Variants in PHEX observed in about 807,000 individuals in gnomAD.
PHEX encodes phosphate-regulating neutral endopeptidase PHEX.
In PHEX, 16 loss-of-function variants were observed where a neutral mutation model predicts 68.0. The observed-to-expected ratio is 0.24, with a 90% CI of 0.16 to 0.36. The LOEUF (loss-of-function observed/expected upper bound fraction) is 0.36, where lower values mean the gene tolerates loss of function less well. PHEX is among the 10% of genes least tolerant of loss of function. The pLI is 1.00. For missense variants in PHEX, 480 were observed against 575.5 expected, an observed-to-expected ratio of 0.83 and a Z score of 1.70; for synonymous variants, 208 against 205.1, an observed-to-expected ratio of 1.01 and a Z score of -0.12.
intron 3 of PHEX, among the ~76,000 whole-genome samples, chrX:22,060,657 A>C (rs1206587403): frequency 8.9e-6 from 1 of 111,978 alleles, no homozygotes; most frequent in Non-Finnish European, 1.9e-5. Context: ...ACATTATGAA[A>C]AGTTTCCTGT....
intron 13 of PHEX, among the ~76,000 whole-genome samples, chrX:22,177,073 G>T (rs144080429): frequency 0.024 from 2,704 of 110,906 alleles, 85 homozygotes; most frequent in African/African-American, 0.085. Context: ...TTGGTCTCCT[G>T]GAAAGATTGT....
At chrX:22,044,933 A>G (rs112416212) in intron 2 of PHEX, among the ~76,000 whole-genome samples, 2,820 of 108,912 alleles carry the variant, frequency 0.026, 96 homozygotes, top group African/African-American at 0.088. Context: ...CCTAGGCTCA[A>G]GTGATCTGCC....
intron 11 of PHEX, among the ~76,000 whole-genome samples, chrX:22,115,101 G>A (rs1217073427): frequency 1.8e-5 from 2 of 111,670 alleles, no homozygotes; most frequent in Non-Finnish European, 3.8e-5. Context: ...GCTAAGCCGG[G>A]CAGATCACTT....
chrX:22,085,249 C>T (rs769170954), intron 5 of PHEX, among the ~76,000 whole-genome samples: 3 of 110,181 alleles, frequency 2.7e-5, no homozygotes, highest in Admixed American at 9.6e-5. Flanking sequence ...TTTTCATTGA[C>T]CCATTGGTCA....
In PHEX at chrX:22,248,911, A is replaced by AT. The variant is rs1936470764; in HGVS notation, c.*958_*959insT. 1 of 106,574 alleles carries AT rather than the reference A, an allele frequency of 9.4e-6. No homozygotes were observed. Among genetic ancestry groups the AT allele is most frequent in the South Asian group, 4.0e-4 (1 of 2,509 alleles). The allele number at this position is 106,574 out of a possible 1,213,427, so 8.8% of individuals were successfully genotyped here. On this transcript the variant is annotated 3_prime_UTR_variant, in exon 22 of 22. Coordinates refer to ENST00000379374, the MANE Select transcript of PHEX (RefSeq NM_000444.6). ...ACAATTTTCTGATTCCCCATTAGGA[A>AT]CATATGATTTTCATTTCCCTTTAGT...
At chrX:22,044,197 G>A (rs866088597) in intron 2 of PHEX, among the ~76,000 whole-genome samples, 5 of 110,480 alleles carry the variant, frequency 4.5e-5, no homozygotes, top group Non-Finnish European at 7.6e-5. Flanking sequence ...AGTTTGAGAA[G>A]GAGGCTGGAA....
chrX:22,123,439 T>C (rs1931575280), intron 11 of PHEX, among the ~76,000 whole-genome samples: 1 of 111,531 alleles, frequency 9.0e-6, no homozygotes, highest in Admixed American at 9.5e-5. Context: ...AATGATATAA[T>C]CTATGTAGAA....
At chrX:22,180,854 G>A (rs1402470489) in intron 14 of PHEX, among the ~76,000 whole-genome samples, 1 of 112,051 alleles carries the variant, frequency 8.9e-6, no homozygotes, top group Non-Finnish European at 1.9e-5. Flanking sequence ...GTGAGAACAT[G>A]TGAAGTTTTC....
chrX:22,206,546 A>T (rs1347975740), intron 15 of PHEX, among the ~76,000 whole-genome samples: 1 of 111,608 alleles, frequency 9.0e-6, no homozygotes, highest in Non-Finnish European at 1.9e-5. Context: ...GGTAAGTGTT[A>T]CGATGAGTTA....
intron 20 of PHEX, among the ~76,000 whole-genome samples, chrX:22,237,381 C>T (rs930584801): frequency 2.7e-5 from 3 of 111,744 alleles, no homozygotes; most frequent in Non-Finnish European, 5.6e-5. Context: ...GCAACAACAT[C>T]ATATCACCTT....
intron 3 of PHEX, among the ~76,000 whole-genome samples, chrX:22,058,796 A>G (rs973285692): frequency 1.8e-5 from 2 of 112,037 alleles, no homozygotes; most frequent in African/African-American, 6.5e-5. Flanking sequence ...ACTTAAAAAA[A>G]TTCTACCAAT....
At chrX:22,227,655 T>C (rs779242900) in intron 20 of PHEX, 44 bp downstream of exon 20, 25 of 880,872 alleles carry the variant, frequency 2.8e-5, no homozygotes, top group Non-Finnish European at 4.2e-5. Context: ...GATGCAGGAC[T>C]TGAGTTTGCT....
chrX:22,156,917 C>T (rs1205897317), intron 12 of PHEX, among the ~76,000 whole-genome samples: 1 of 110,288 alleles, frequency 9.1e-6, no homozygotes, highest in Non-Finnish European at 1.9e-5. Context: ...GGGTCTCACT[C>T]TGTTGCCCAG....
intron 4 of PHEX, among the ~76,000 whole-genome samples, chrX:22,077,225 C>T (rs997038399): frequency 9.0e-6 from 1 of 111,534 alleles, no homozygotes; most frequent in Non-Finnish European, 1.9e-5. Context: ...TAGTGAATAT[C>T]CAGCAGTTTC....
At chrX:22,111,672 T>C in intron 10 of PHEX, 112 bp downstream of exon 10, 4 of 598,435 alleles carry the variant, frequency 6.7e-6, no homozygotes, top group Non-Finnish European at 8.5e-6. Context: ...ACAGGGGGAG[T>C]TTGTAGCCCA....
At chrX:22,139,811 A>G (rs1454649740) in intron 12 of PHEX, among the ~76,000 whole-genome samples, 1 of 109,571 alleles carries the variant, frequency 9.1e-6, no homozygotes, top group Non-Finnish European at 1.9e-5. Context: ...AAATGCTGGG[A>G]TTACAGTGTG....
At chrX:22,239,607 T>C (rs918186149) in intron 20 of PHEX, among the ~76,000 whole-genome samples, 2 of 110,187 alleles carry the variant, frequency 1.8e-5, no homozygotes, top group Non-Finnish European at 3.8e-5. Flanking sequence ...CAAGTATCAA[T>C]AGCCGAACTG....
At chrX:22,122,760 G>C (rs1039585036) in intron 11 of PHEX, among the ~76,000 whole-genome samples, 2 of 111,019 alleles carry the variant, frequency 1.8e-5, no homozygotes, top group African/African-American at 6.6e-5. Flanking sequence ...TTTGGCAGAG[G>C]TGATTGGAAT....
At chrX:22,188,975 T>C (rs1366807691) in intron 14 of PHEX, among the ~76,000 whole-genome samples, 1 of 112,562 alleles carries the variant, frequency 8.9e-6, no homozygotes, top group Non-Finnish European at 1.9e-5. Context: ...TCAATCGTTT[T>C]GGTTTTTAGA....
Sources: allele counts gnomAD v4.1 joint callset (sites outside exome capture counted in the v4.1 genomes callset), GRCh38; gene constraint gnomAD v4.1.1; transcripts MANE v1.5; gene names NCBI Gene and HGNC (gene_info 2026-07-23, HGNC 2026-07-21).